The following AGMO variants were observed in gnomAD, a reference collection of about 807,000 sequenced individuals.
AGMO encodes alkylglycerol monooxygenase.
A neutral mutation model predicts 60.2 loss-of-function variants in AGMO; 75 were observed. The observed-to-expected ratio is 1.25, with a 90% CI of 1.03 to 1.51. The LOEUF is 1.51. AGMO is among the 40% of genes most tolerant of loss of function. AGMO has a pLI of 0.00. For missense variants in AGMO, 763 were observed against 525.5 expected (o/e 1.45, Z -4.42); for synonymous variants, 261 against 177.1 (o/e 1.47, Z -3.76).
chr7:15,327,740 C>CTTTTTTTTTTT (rs546851399), intron 12 of AGMO, among the ~76,000 whole-genome samples: 2 of 88,018 alleles, frequency 2.3e-5, no homozygotes, highest in Non-Finnish European at 4.2e-5. Context: ...TGATTTCTTT[C>CTTTTTTTTTTT]TTTTTTTTTT....
chr7:15,390,756 A>G lies in AGMO; in HGVS notation c.743-6T>C. The G allele has an allele frequency of 6.2e-7, 1 of 1,605,356 alleles. No homozygotes were observed. Among genetic ancestry groups the G allele is most frequent in the Non-Finnish European group, 8.5e-7 (1 of 1,173,000 alleles). ...ATTTTCTGCTTCAAATGTCCCTGGA[A>G]GATAAATATAAAGATATGAGATTTG... On this transcript the variant is annotated splice_polypyrimidine_tract_variant and splice_region_variant and intron_variant, in intron 7 of 12. Transcript: ENST00000342526.
At chr7:15,549,689 G>C (rs1443914985) in intron 2 of AGMO, among the ~76,000 whole-genome samples, 3 of 150,420 alleles carry the variant, frequency 2.0e-5, no homozygotes. Flanking sequence ...GACCTACAAA[G>C]AGACTTAGAC....
Position 15,339,974 on chromosome 7 carries a change from C to T in AGMO, c.1263+25540G>A, listed in dbSNP as rs985077397. Among the ~76,000 whole-genome samples, 18 of 152,268 alleles carry T rather than the reference C, an allele frequency of 1.2e-4. No homozygotes were observed. The East Asian group carries it at 3.5e-3, about 29-fold the overall frequency. On this transcript the variant is annotated intron_variant, in intron 12 of 12. Transcript: ENST00000342526. Reference sequence around the variant, plus strand: ...ATTGGATATCAACAAGTGACTGTGACTGAGGCATAGATGGAAGGAGCATAG... The same window carrying T: ...ATTGGATATCAACAAGTGACTGTGATTGAGGCATAGATGGAAGGAGCATAG...
At chr7:15,332,583 C>T (rs1359625076) in intron 12 of AGMO, among the ~76,000 whole-genome samples, 2 of 152,036 alleles carry the variant, frequency 1.3e-5, no homozygotes, top group Non-Finnish European at 2.9e-5. Context: ...CCTGATTTTC[C>T]CACTTAGAAG....
In AGMO at chr7:15,317,926, CGT is replaced by C. The variant is rs1491115136; in HGVS notation, c.1263+47586_1263+47587del. On this transcript the variant is annotated intron_variant, in intron 12 of 12. Transcript: ENST00000342526. ...ACACACGTATATATATATACACACA[CGT>C]ATATATATATATACACACACACACA... is the stretch of plus-strand genomic sequence containing the variant. Among the ~76,000 whole-genome samples the C allele has an allele frequency of 7.4e-3, 999 of 134,892 alleles. 10 individuals are homozygous for C. Among genetic ancestry groups the C allele is most frequent in the Non-Finnish European group, 9.4e-3 (605 of 64,324 alleles). The allele number at this position is 134,892 out of a possible 152,430, so 88.5% of individuals were successfully genotyped here.
chr7:15,128,351 A>G, the AGMO span, among the ~76,000 whole-genome samples: 1 of 152,162 alleles, frequency 6.6e-6, no homozygotes, highest in Non-Finnish European at 1.5e-5. Context: ...CAATTTCCCA[A>G]AGTCACCAGT....
At chr7:15,299,886 C>CA (rs774065679) in intron 12 of AGMO, among the ~76,000 whole-genome samples, 19 of 114,584 alleles carry the variant, frequency 1.7e-4, no homozygotes, top group African/African-American at 4.7e-4. Context: ...CACACACACA[C>CA]AGTATGTTTT....
intron 12 of AGMO, among the ~76,000 whole-genome samples, chr7:15,244,653 G>C (rs1452665093): frequency 2.0e-5 from 3 of 151,836 alleles, no homozygotes; most frequent in African/African-American, 7.3e-5. Context: ...TTGTTTGTTT[G>C]TTTTGTTTTT....
intron 3 of AGMO, among the ~76,000 whole-genome samples, chr7:15,432,408 C>A (rs1315843121): frequency 1.0e-5 from 1 of 95,712 alleles, no homozygotes; most frequent in Non-Finnish European, 2.3e-5. Context: ...TTGGCCATTG[C>A]TTTCAAAATG....
chr7:15,559,813 A>G (rs1020699650), intron 2 of AGMO, among the ~76,000 whole-genome samples: 2 of 152,054 alleles, frequency 1.3e-5, no homozygotes, highest in African/African-American at 4.8e-5. Flanking sequence ...CGAGACAGCT[A>G]TTCTTTCTGA....
At chr7:15,173,954 T>C in the AGMO span, among the ~76,000 whole-genome samples, 2 of 151,986 alleles carry the variant, frequency 1.3e-5, no homozygotes, top group African/African-American at 2.4e-5. Flanking sequence ...TTTCATGTTA[T>C]CTTTAATACA....
chr7:15,404,434 C>T (rs544232403), intron 5 of AGMO, among the ~76,000 whole-genome samples: 10 of 151,792 alleles, frequency 6.6e-5, no homozygotes, highest in Non-Finnish European at 1.3e-4. Context: ...AAGCATGTTC[C>T]CTCAAAGGAG....
intron 12 of AGMO, among the ~76,000 whole-genome samples, chr7:15,284,735 C>A (rs968915681): frequency 1.3e-5 from 2 of 151,776 alleles, no homozygotes; most frequent in Admixed American, 1.3e-4. Flanking sequence ...CCATTATCAC[C>A]CTGATACCAA....
chr7:15,141,419 T>C, the AGMO span, among the ~76,000 whole-genome samples: 9,010 of 152,058 alleles, frequency 0.059, 392 homozygotes, highest in African/African-American at 0.12. Flanking sequence ...CACGTCTCTA[T>C]TAAAATATAA....
chr7:15,159,642 C>T, the AGMO span, among the ~76,000 whole-genome samples: 1,277 of 152,288 alleles, frequency 8.4e-3, 13 homozygotes, highest in Middle Eastern at 0.014. Flanking sequence ...AGGCATGTGG[C>T]TGTCCCACTG....
At chr7:15,542,541 C>A (rs1171550098) in intron 3 of AGMO, among the ~76,000 whole-genome samples, 4 of 152,052 alleles carry the variant, frequency 2.6e-5, no homozygotes, top group African/African-American at 9.7e-5. Context: ...TTGCAGATTT[C>A]CCAAATAAAC....
chr7:15,147,424 G>A, the AGMO span, among the ~76,000 whole-genome samples: 2 of 152,142 alleles, frequency 1.3e-5, no homozygotes, highest in African/African-American at 4.8e-5. Flanking sequence ...GAGAGGACGT[G>A]TAGGGGAACT....
chr7:15,333,103 T>C (rs1781546782), intron 12 of AGMO, among the ~76,000 whole-genome samples: 2 of 152,240 alleles, frequency 1.3e-5, no homozygotes, highest in African/African-American at 2.4e-5. Context: ...TGCGCTAATG[T>C]GATGATACAG....
At chr7:15,520,326 C>T (rs1383983329) in intron 3 of AGMO, among the ~76,000 whole-genome samples, 2 of 152,302 alleles carry the variant, frequency 1.3e-5, no homozygotes, top group South Asian at 4.1e-4. Flanking sequence ...AGGTTGTGAA[C>T]TCAGCTCTGC....
Sources: gnomAD v4.1 joint callset for allele counts (sites outside exome capture counted in the v4.1 genomes callset) on GRCh38, gnomAD v4.1.1 for gene constraint, MANE v1.5 for transcripts, NCBI Gene and HGNC (gene_info 2026-07-23, HGNC 2026-07-21) for gene names.